Variants in ARHGAP12 observed in about 807,000 individuals in gnomAD.
The protein encoded by ARHGAP12 is rho GTPase-activating protein 12.
A neutral mutation model predicts 108.6 loss-of-function variants in ARHGAP12; 64 were observed. The ratio of observed to expected loss-of-function variants is 0.59; its 90% CI spans 0.48 to 0.73. ARHGAP12 has a LOEUF of 0.73. Ranked by LOEUF, ARHGAP12 falls within the 30% of genes least tolerant of loss-of-function variation. The pLI is 0.00. For synonymous variants in ARHGAP12, 312 were observed against 337.2 expected (o/e 0.93, Z 0.82); for missense variants, 940 against 1,005.9 (o/e 0.93, Z 0.89).
intron 13 of ARHGAP12, among the ~76,000 whole-genome samples, 183 bp downstream of exon 13, chr10:31,817,605 A>G (rs759583035): frequency 8.5e-5 from 13 of 152,250 alleles, no homozygotes; most frequent in Non-Finnish European, 1.6e-4. Flanking sequence ...CATAAGTGAG[A>G]ATGTTAAATC....
intron 1 of ARHGAP12, among the ~76,000 whole-genome samples, chr10:31,922,180 CAAAAAAAAAAAAAAAA>C (rs56210740): frequency 3.5e-4 from 23 of 66,132 alleles, no homozygotes; most frequent in African/African-American, 1.2e-3. Flanking sequence ...GACCCTGCCT[CAAAAAAAAAAAAAAAA>C]AAAAAAAAAA....
At chr10:31,820,039 C>A (rs1835349488) in intron 12 of ARHGAP12, among the ~76,000 whole-genome samples, 1 of 148,468 alleles carries the variant, frequency 6.7e-6, no homozygotes, top group South Asian at 2.1e-4. Flanking sequence ...TCCCATACAC[C>A]CCCTGCCCAC....
intron 3 of ARHGAP12, among the ~76,000 whole-genome samples, chr10:31,884,538 T>C (rs959360784): frequency 5.9e-5 from 9 of 152,186 alleles, no homozygotes; most frequent in African/African-American, 2.2e-4. Flanking sequence ...ACTTGACAAG[T>C]GGCAGTTTCT....
chr10:31,831,126 T>A (rs1371806860), intron 10 of ARHGAP12, among the ~76,000 whole-genome samples: 2 of 152,192 alleles, frequency 1.3e-5, no homozygotes, highest in Non-Finnish European at 2.9e-5. Flanking sequence ...AACTGACATG[T>A]CTACCAATAG....
intron 18 of ARHGAP12, 68 bp downstream of exon 18, chr10:31,808,926 T>C: frequency 2.1e-6 from 3 of 1,448,470 alleles, no homozygotes; most frequent in Non-Finnish European, 2.8e-6. Flanking sequence ...ATAAAAAAAA[T>C]TGGGTGGCTT....
rs34923908 is a variant in ARHGAP12, at chr10:31,814,263, A to C, written c.1830T>G (p.Leu610=). 15,496 of 1,613,348 alleles carry C rather than the reference A, an allele frequency of 9.6e-3. 1,250 individuals carry two copies. In the African/African-American group the frequency reaches 0.18, roughly 18 times the overall value. The stretch of plus-strand genomic sequence containing the variant: ...AATAGGGAAAGGACAACTTACAACG[A>C]AGCTTTTTGGGATCCTTTTGTTCCT... The part of the protein sequence containing the change: ...KEKEQKDPKK[L]RSFKVSSIDS... The change falls in exon 14 of 20, where the codon CTT becomes CTG. Residue 610 remains leucine (L), a synonymous_variant. Coordinates refer to ENST00000344936, the MANE Select transcript of ARHGAP12 (RefSeq NM_018287.7).
intron 3 of ARHGAP12, among the ~76,000 whole-genome samples, chr10:31,901,425 G>A (rs1012970336): frequency 2.0e-5 from 3 of 150,628 alleles, no homozygotes; most frequent in Non-Finnish European, 4.4e-5. Context: ...CCAGCTACTC[G>A]GGAAGCTGAG....
At chr10:31,901,112 A>C (rs1487874875) in intron 3 of ARHGAP12, among the ~76,000 whole-genome samples, 1 of 151,478 alleles carries the variant, frequency 6.6e-6, no homozygotes, top group Admixed American at 6.6e-5. Context: ...GCTACTGAGG[A>C]GGCTAAGGCG....
chr10:31,859,146 G>C (rs1226106548), intron 4 of ARHGAP12, among the ~76,000 whole-genome samples: 1 of 152,084 alleles, frequency 6.6e-6, no homozygotes, highest in African/African-American at 2.4e-5. Flanking sequence ...CTGAGTTGGG[G>C]GACAATAGAC....
At chr10:31,914,529 A>G (rs1348435318) in intron 1 of ARHGAP12, among the ~76,000 whole-genome samples, 2 of 152,226 alleles carry the variant, frequency 1.3e-5, no homozygotes, top group East Asian at 3.8e-4. Context: ...CAAAAAGCCA[A>G]TAAGTGTAAG....
At chr10:31,857,509 G>C (rs1476658511) in intron 4 of ARHGAP12, among the ~76,000 whole-genome samples, 2 of 151,994 alleles carry the variant, frequency 1.3e-5, no homozygotes, top group African/African-American at 4.8e-5. Flanking sequence ...GAGAATATGG[G>C]GGCGAGCCTA....
chr10:31,818,532 A>C (rs1372711527), intron 12 of ARHGAP12, among the ~76,000 whole-genome samples: 1 of 152,176 alleles, frequency 6.6e-6, no homozygotes, highest in Non-Finnish European at 1.5e-5. Flanking sequence ...AACTTAAGTG[A>C]GGAAGAATTT....
Position 31,898,475 on chromosome 10 carries a change from T to A in ARHGAP12, c.684+9697A>T, listed in dbSNP as rs79975745. On this transcript the variant is annotated intron_variant, in intron 3 of 19. Coordinates refer to ENST00000344936, the MANE Select transcript of ARHGAP12 (RefSeq NM_018287.7). Reference sequence around the variant, plus strand: ...TGCATTGCTGGTGGGATGGTCCTGATCTCTTGACCTCGTGATCTGCCCACC... The same window carrying A: ...TGCATTGCTGGTGGGATGGTCCTGAACTCTTGACCTCGTGATCTGCCCACC... Among the ~76,000 whole-genome samples, 43 of 152,238 alleles carry A rather than the reference T, an allele frequency of 2.8e-4. 1 individual carries two copies. The East Asian group carries it at 8.1e-3, about 29-fold the overall frequency.
chr10:31,822,945 AT>A (rs1220433961), intron 11 of ARHGAP12, among the ~76,000 whole-genome samples: 2 of 152,236 alleles, frequency 1.3e-5, no homozygotes, highest in Non-Finnish European at 2.9e-5. Context: ...ACAAATAATT[AT>A]CTAGCCCAAA....
chr10:31,848,221 A>G (rs1836535771), intron 6 of ARHGAP12, among the ~76,000 whole-genome samples: 1 of 152,204 alleles, frequency 6.6e-6, no homozygotes, highest in African/African-American at 2.4e-5. Flanking sequence ...GGTACACAAC[A>G]AAGAACCTAA....
At chr10:31,927,270 T>C (rs1397785199) in intron 1 of ARHGAP12, among the ~76,000 whole-genome samples, 1 of 89,786 alleles carries the variant, frequency 1.1e-5, no homozygotes, top group African/African-American at 5.2e-5. Context: ...CCAGAGGAGG[T>C]AGAGGAAGAT....
chr10:31,827,035 A>C (rs898695216), intron 10 of ARHGAP12: 9 of 152,266 alleles, frequency 5.9e-5, no homozygotes, highest in Non-Finnish European at 4.4e-5. Context: ...TCCATACTCT[A>C]GAGGTAACCA....
chr10:31,901,607 C>T (rs548047338), intron 3 of ARHGAP12, among the ~76,000 whole-genome samples: 3 of 148,788 alleles, frequency 2.0e-5, no homozygotes, highest in African/African-American at 7.4e-5. Context: ...GTGCTAATCT[C>T]AAAACCTCTG....
intron 10 of ARHGAP12, among the ~76,000 whole-genome samples, chr10:31,827,910 T>G (rs113246306): frequency 6.6e-6 from 1 of 152,214 alleles, no homozygotes; most frequent in Non-Finnish European, 1.5e-5. Context: ...TTACTTTTTA[T>G]GTCTAGTTGA....
Sources: allele counts gnomAD v4.1 joint callset (sites outside exome capture counted in the v4.1 genomes callset), GRCh38; gene constraint gnomAD v4.1.1; transcripts MANE v1.5; gene names NCBI Gene and HGNC (gene_info 2026-07-23, HGNC 2026-07-21).